The following CADPS variants were observed in gnomAD, a reference collection of about 807,000 sequenced individuals.
The protein encoded by CADPS is calcium-dependent secretion activator 1.
Under a neutral mutation model 167.3 loss-of-function variants are expected in CADPS, and 57 were observed. The ratio of observed to expected loss-of-function variants is 0.34; its 90% CI spans 0.28 to 0.42. The LOEUF is 0.42. Ranked by LOEUF, CADPS falls within the 20% of genes least tolerant of loss-of-function variation. The pLI, the probability that CADPS is intolerant of heterozygous loss-of-function variation, is 1.00. For missense variants in CADPS, 1,414 were observed against 1,738.1 expected (o/e 0.81, Z 3.32); for synonymous variants, 676 against 635.3 (o/e 1.06, Z -0.96).
intron 5 of CADPS, among the ~76,000 whole-genome samples, chr3:62,646,725 C>T (rs2068682774): frequency 1.3e-5 from 2 of 152,172 alleles, no homozygotes; most frequent in African/African-American, 2.4e-5. Flanking sequence ...TGTCTTTTCT[C>T]ACTTTAGAGT....
intron 8 of CADPS, among the ~76,000 whole-genome samples, chr3:62,584,114 C>T (rs1314319988): frequency 6.6e-6 from 1 of 151,672 alleles, no homozygotes; most frequent in African/African-American, 2.4e-5. Context: ...AAGTGATTCT[C>T]CAGCCTCAGC....
intron 1 of CADPS, among the ~76,000 whole-genome samples, chr3:62,784,755 CAAAAACAAA>C (rs2092234904): frequency 5.9e-5 from 1 of 17,034 alleles, no homozygotes; most frequent in Admixed American, 4.2e-4. Context: ...AGAATGCAAG[CAAAAACAAA>C]AAAAAAAAAT....
chr3:62,675,644 T>C (rs1015134895), intron 3 of CADPS, among the ~76,000 whole-genome samples: 1 of 152,134 alleles, frequency 6.6e-6, no homozygotes, highest in Non-Finnish European at 1.5e-5. Flanking sequence ...CACTGGGAAG[T>C]TCAAATTAAG....
chr3:62,557,968 A>C (rs1180320267), intron 9 of CADPS, among the ~76,000 whole-genome samples: 1 of 152,234 alleles, frequency 6.6e-6, no homozygotes, highest in Non-Finnish European at 1.5e-5. Flanking sequence ...TCGCAGATAC[A>C]ACATGGGCCT....
At chr3:62,417,287 T>C (rs1196494784) in intron 28 of CADPS, among the ~76,000 whole-genome samples, 8 of 129,190 alleles carry the variant, frequency 6.2e-5, no homozygotes, top group East Asian at 2.2e-4. Flanking sequence ...TTTTTTTTTT[T>C]TTTTTTTTTT....
At chr3:62,769,023 G>A (rs558513162) in intron 1 of CADPS, among the ~76,000 whole-genome samples, 5 of 152,198 alleles carry the variant, frequency 3.3e-5, no homozygotes, top group African/African-American at 1.2e-4. Flanking sequence ...CAAGCCTAGT[G>A]TTTATTTACT....
chr3:62,851,579 C>T (rs1163864443), intron 1 of CADPS, among the ~76,000 whole-genome samples: 3 of 142,788 alleles, frequency 2.1e-5, no homozygotes, highest in African/African-American at 7.8e-5. Flanking sequence ...AAATTCTTTT[C>T]TTTAAGAATG....
chr3:62,811,077 A>T (rs1477467111), intron 1 of CADPS, among the ~76,000 whole-genome samples: 3 of 152,212 alleles, frequency 2.0e-5, no homozygotes, highest in Non-Finnish European at 4.4e-5. Context: ...CTTAGCTTTC[A>T]TCAAGCTTTC....
At chr3:62,618,978 T>TA (rs1477290111) in intron 6 of CADPS, among the ~76,000 whole-genome samples, 5 of 152,208 alleles carry the variant, frequency 3.3e-5, no homozygotes, top group African/African-American at 4.8e-5. Context: ...AGGGATGGTC[T>TA]AATATAGGAA....
intron 1 of CADPS, among the ~76,000 whole-genome samples, chr3:62,805,021 G>A (rs1328688977): frequency 6.6e-6 from 1 of 152,096 alleles, no homozygotes; most frequent in Non-Finnish European, 1.5e-5. Context: ...TTCTCACCTC[G>A]GAGCTATTGA....
chr3:62,690,705 G>C (rs1444721864), intron 3 of CADPS, among the ~76,000 whole-genome samples: 1 of 151,702 alleles, frequency 6.6e-6, no homozygotes, highest in Admixed American at 6.6e-5. Flanking sequence ...CTGGATTACT[G>C]TATGAGTCTA....
In CADPS at chr3:62,445,783, G is replaced by A. The variant is rs758679686; in HGVS notation, c.3651C>T (p.Ser1217=). 6.6e-7 allele frequency: 1 copy of A among 1,517,958 alleles called. No individual in the cohort carries two copies. The highest frequency in any genetic ancestry group is 8.7e-7 in the Non-Finnish European group (1 of 1,142,942). The allele number at this position is 1,517,958 out of a possible 1,614,324, so 94.0% of individuals were successfully genotyped here. A position where few individuals can be genotyped will look rare whatever the true frequency, so the allele number is the denominator to read the frequency against. ...SFLSFTVKAA[S]KYVDVPKPGM... ...TACTCACAGGTACATCCACATATTT[G>A]GAAGCTGCCTTCACCTAAAGAGGAA... The change falls in exon 27 of 30, where the codon TCC becomes TCT. Residue 1217 remains serine, a synonymous_variant. Transcript: ENST00000383710.
intron 28 of CADPS, among the ~76,000 whole-genome samples, chr3:62,435,767 CG>C (rs2054892780): frequency 1.3e-5 from 2 of 151,886 alleles, no homozygotes; most frequent in Non-Finnish European, 2.9e-5. Context: ...ACTAAGACTC[CG>C]TTGGGAAAAC....
chr3:62,593,667 T>C (rs1309705749), intron 6 of CADPS, among the ~76,000 whole-genome samples: 1 of 152,202 alleles, frequency 6.6e-6, no homozygotes, highest in Non-Finnish European at 1.5e-5. Context: ...ATCTCAGACC[T>C]GTTACATGTA....
intron 6 of CADPS, among the ~76,000 whole-genome samples, chr3:62,593,338 T>C (rs184006024): frequency 2.2e-4 from 33 of 152,344 alleles, no homozygotes; most frequent in African/African-American, 7.9e-4. Flanking sequence ...TCATAGTTTG[T>C]GGATATCGGA....
chr3:62,856,391 C>A (rs1158467235), intron 1 of CADPS, among the ~76,000 whole-genome samples: 6 of 152,022 alleles, frequency 3.9e-5, no homozygotes, highest in African/African-American at 1.4e-4. Flanking sequence ...GATGGGGTTT[C>A]AATGTCATAA....
At chr3:62,707,397 T>C (rs13079973) in intron 3 of CADPS, among the ~76,000 whole-genome samples, 12,057 of 152,162 alleles carry the variant, frequency 0.079, 630 homozygotes, top group Non-Finnish European at 0.12. Context: ...TGGGGAGCAC[T>C]GTTTTAGGGG....
chr3:62,636,227 T>A (rs569178830), intron 6 of CADPS, among the ~76,000 whole-genome samples: 10 of 152,212 alleles, frequency 6.6e-5, no homozygotes, highest in Non-Finnish European at 1.5e-4. Context: ...TTCAGAAGGA[T>A]TTAGTAGCTC....
intron 6 of CADPS, among the ~76,000 whole-genome samples, chr3:62,635,319 G>C (rs2066073084): frequency 6.6e-6 from 1 of 152,106 alleles, no homozygotes; most frequent in African/African-American, 2.4e-5. Flanking sequence ...GCCTCTAATA[G>C]TCCTCAATGA....
Sources: gnomAD v4.1 joint callset for allele counts (sites outside exome capture counted in the v4.1 genomes callset) on GRCh38, gnomAD v4.1.1 for gene constraint, MANE v1.5 for transcripts, NCBI Gene and HGNC (gene_info 2026-07-23, HGNC 2026-07-21) for gene names.